CACNA2D4: variants seen among roughly 807,000 people sequenced by gnomAD.
CACNA2D4 encodes the protein voltage-dependent calcium channel subunit alpha-2/delta-4.
Under a neutral mutation model 163.8 loss-of-function variants are expected in CACNA2D4, and 157 were observed. That is an observed-to-expected ratio of 0.96 (90% CI 0.84 to 1.09). The LOEUF (loss-of-function observed/expected upper bound fraction) is 1.09. CACNA2D4 is among the 50% of genes least tolerant of loss of function. The pLI, the probability that CACNA2D4 is intolerant of heterozygous loss-of-function variation, is 0.00. For synonymous variants in CACNA2D4, 598 were observed against 586.9 expected, an observed-to-expected ratio of 1.02 and a Z score of -0.27; for missense variants, 1,410 against 1,479.9, an observed-to-expected ratio of 0.95 and a Z score of 0.78.
At chr12:1,821,169 C>T (rs1487825331) in intron 26 of CACNA2D4, among the ~76,000 whole-genome samples, 3 of 152,134 alleles carry the variant, frequency 2.0e-5, no homozygotes, top group African/African-American at 4.8e-5. Flanking sequence ...TCGTTGTGCC[C>T]GGCTCTGCAC....
rs74360003 is a variant in CACNA2D4, at chr12:1,877,915, C to G, written c.1719+400G>C. On this transcript the variant is annotated intron_variant, in intron 16 of 37. Coordinates refer to ENST00000382722, the MANE Select transcript of CACNA2D4 (RefSeq NM_172364.5). ...GAGGGCTGGGAGGGCCAGGAGCACT[C>G]AGGAATGCATCCTAAGGTGTGCTGC... 2.4e-3 allele frequency among the ~76,000 whole-genome samples: 361 copies of G among 152,356 alleles called. 4 individuals are homozygous for G. Among genetic ancestry groups the G allele is most frequent in the African/African-American group, 8.3e-3 (345 of 41,586 alleles).
intron 29 of CACNA2D4, among the ~76,000 whole-genome samples, chr12:1,803,613 G>T (rs1048378678): frequency 2.0e-5 from 3 of 152,174 alleles, no homozygotes; most frequent in African/African-American, 7.2e-5. Flanking sequence ...TAAAAATGGA[G>T]GGTCAATTAC....
intron 24 of CACNA2D4, 110 bp downstream of exon 24, chr12:1,846,484 C>T: frequency 1.2e-6 from 1 of 852,316 alleles, no homozygotes. Flanking sequence ...AGGGGTCCAG[C>T]ATGCTGGAGA....
Position 1,794,269 on chromosome 12 carries a change from G to A in CACNA2D4, c.3310-510C>T, listed in dbSNP as rs147388294. On this transcript the variant is annotated intron_variant, in intron 37 of 37. Transcript: ENST00000382722. ...CAAGCCCTAGGAAGCGTGGCTCTTCGTTAAAGCACCTTGGGATCCTGGTTG... is the reference window on the plus strand; with the variant it reads ...CAAGCCCTAGGAAGCGTGGCTCTTCATTAAAGCACCTTGGGATCCTGGTTG... Among the ~76,000 whole-genome samples the A allele has an allele frequency of 5.0e-3, 755 of 152,230 alleles. 5 individuals carry two copies. The highest frequency in any genetic ancestry group is 0.017 in the African/African-American group (699 of 41,524).
intron 6 of CACNA2D4, among the ~76,000 whole-genome samples, chr12:1,897,513 T>G (rs1866436449): frequency 1.3e-5 from 2 of 152,214 alleles, no homozygotes; most frequent in South Asian, 4.1e-4. Context: ...ACAAGTATTA[T>G]GTATCAGTAA....
In CACNA2D4 at chr12:1,828,314, G is replaced by A. The variant is rs1328221355; in HGVS notation, c.2551+12425C>T. ...ATGGGACCTTAGCCACACTCAGGCT[G>A]CAGGGAGGCCTACGCCAGATCTTCC... On this transcript the variant is annotated intron_variant, in intron 26 of 37. Coordinates refer to ENST00000382722, the MANE Select transcript of CACNA2D4 (RefSeq NM_172364.5). The surrounding 1 kb of genome is among the most constrained non-coding windows in gnomAD (Gnocchi z 4.2). The A allele has an allele frequency of 1.8e-6, 2 of 1,084,068 alleles. No homozygotes were observed. The highest frequency in any genetic ancestry group is 2.9e-5 in the East Asian group (1 of 34,538). 67.2% of individuals were successfully genotyped at this position (1,084,068 alleles called of 1,614,324 possible).
chr12:1,909,421 C>T (rs1866759228), intron 4 of CACNA2D4, among the ~76,000 whole-genome samples: 1 of 152,222 alleles, frequency 6.6e-6, no homozygotes, highest in African/African-American at 2.4e-5. Context: ...GTCTCGATCT[C>T]CTGACCTTGT....
chr12:1,818,545 G>A (rs964983240), intron 26 of CACNA2D4, among the ~76,000 whole-genome samples: 3 of 151,580 alleles, frequency 2.0e-5, no homozygotes, highest in African/African-American at 4.9e-5. Flanking sequence ...TGCAAGATGT[G>A]CTTTGTTAAA....
intron 6 of CACNA2D4, among the ~76,000 whole-genome samples, chr12:1,898,174 TA>T (rs1866448380): frequency 6.6e-6 from 1 of 151,944 alleles, no homozygotes; most frequent in Non-Finnish European, 1.5e-5. Context: ...AAATGATAAT[TA>T]AAACACTACC....
At chr12:1,831,984 G>A (rs1274371371) in intron 26 of CACNA2D4, among the ~76,000 whole-genome samples, 1 of 152,180 alleles carries the variant, frequency 6.6e-6, no homozygotes, top group Non-Finnish European at 1.5e-5. Context: ...ACATGAGAGG[G>A]GAATAGAATG....
In CACNA2D4 at chr12:1,844,841, C is replaced by A. The variant is rs1865108126; in HGVS notation, c.2343-312G>T. On this transcript the variant is annotated intron_variant, in intron 24 of 37. Coordinates refer to ENST00000382722, the MANE Select transcript of CACNA2D4 (RefSeq NM_172364.5). This position sits in a 1 kb window ranked among gnomAD's most constrained non-coding sequence, Gnocchi z 4.2. ...TAGAGCCCAATTTCTTCTTGTCTGG[C>A]TCGTTGGCACGTCTGAGGGAGGAAG... Among the ~76,000 whole-genome samples the A allele has an allele frequency of 6.6e-6, 1 of 152,174 alleles. No homozygotes were observed. The highest frequency in any genetic ancestry group is 6.5e-5 in the Admixed American group (1 of 15,270).
rs1226148290 is a variant in CACNA2D4 at position 1,816,338 on chromosome 12, C to T, written c.2552-4615G>A. ...TCCTGGGAGTTATCAGGAAAGCTTC[C>T]CTCATGCCTGTGCATGGTGGGCCCC... On this transcript the variant is annotated intron_variant, in intron 26 of 37. Coordinates refer to ENST00000382722, the MANE Select transcript of CACNA2D4 (RefSeq NM_172364.5). Among the ~76,000 whole-genome samples, 3 of 152,218 alleles carry T rather than the reference C, an allele frequency of 2.0e-5. No individual in the cohort carries two copies. The East Asian group carries it at 5.8e-4, about 29-fold the overall frequency.
chr12:1,817,659 T>C (rs947214675), intron 26 of CACNA2D4, among the ~76,000 whole-genome samples: 2 of 152,132 alleles, frequency 1.3e-5, no homozygotes, highest in Non-Finnish European at 2.9e-5. Flanking sequence ...GGTTTTCATA[T>C]TTTTTTGGTG....
At chr12:1,851,004 G>A (rs947536864) in intron 23 of CACNA2D4, among the ~76,000 whole-genome samples, 1 of 152,146 alleles carries the variant, frequency 6.6e-6, no homozygotes, top group African/African-American at 2.4e-5. Flanking sequence ...CTGAGCAGCT[G>A]AGTAGCTGGG....
intron 26 of CACNA2D4, among the ~76,000 whole-genome samples, chr12:1,839,422 GAA>G (rs1864962503): frequency 6.6e-6 from 1 of 152,260 alleles, no homozygotes; most frequent in Admixed American, 6.5e-5. Flanking sequence ...CGAAGAAACT[GAA>G]AGTCAGGAGA....
intron 26 of CACNA2D4, among the ~76,000 whole-genome samples, chr12:1,819,207 C>T (rs1863996797): frequency 6.6e-6 from 1 of 152,104 alleles, no homozygotes; most frequent in Non-Finnish European, 1.5e-5. Context: ...CAGGGAAGAA[C>T]ACGCTTTCAT....
In CACNA2D4 at chr12:1,895,478, C is replaced by T. The variant is rs373380497; in HGVS notation, c.782-8409G>A. 3.3e-5 allele frequency among the ~76,000 whole-genome samples: 5 copies of T among 152,250 alleles called. No homozygotes were observed. The East Asian group carries it at 5.8e-4, about 18-fold the overall frequency. Reference sequence around the variant, plus strand: ...AAAAAACAAAGCTGGAGGCATCACACTGCCTGACTTCAAAGTATGTTTCAA... The same window carrying T: ...AAAAAACAAAGCTGGAGGCATCACATTGCCTGACTTCAAAGTATGTTTCAA... On this transcript the variant is annotated intron_variant, in intron 6 of 37. Transcript: ENST00000382722.
chr12:1,909,282 C>T (rs932634542), intron 4 of CACNA2D4, among the ~76,000 whole-genome samples: 1 of 152,216 alleles, frequency 6.6e-6, no homozygotes, highest in African/African-American at 2.4e-5. Context: ...AGCTCCGCCT[C>T]CCGGGTTCAC....
intron 4 of CACNA2D4, 42 bp downstream of exon 4, chr12:1,909,863 GC>G: frequency 6.3e-7 from 1 of 1,578,258 alleles, no homozygotes. Context: ...TGGTACTCAG[GC>G]GATCCTGGCC....
Sources: gnomAD v4.1 joint callset for allele counts (sites outside exome capture counted in the v4.1 genomes callset) on GRCh38, gnomAD v4.1.1 for gene constraint, Gnocchi (gnomAD v3.1) non-coding constraint, MANE v1.5 for transcripts, NCBI Gene and HGNC (gene_info 2026-07-23, HGNC 2026-07-21) for gene names.